The following SAV1 variants were observed in gnomAD, a reference collection of about 807,000 sequenced individuals.
The protein encoded by SAV1 is protein salvador homolog 1.
SAV1 carries 23 observed loss-of-function variants against 47.3 expected under a neutral mutation model. The observed-to-expected ratio is 0.49, with a 90% confidence interval of 0.35 to 0.69. The LOEUF is 0.69. SAV1 is among the 30% of genes least tolerant of loss of function. The pLI is 0.01. For synonymous variants in SAV1, 155 were observed against 159.2 expected, an observed-to-expected ratio of 0.97 and a Z score of 0.20; for missense variants, 448 against 457.4, an observed-to-expected ratio of 0.98 and a Z score of 0.19.
intron 3 of SAV1, among the ~76,000 whole-genome samples, chr14:50,642,858 T>C (rs1409776717): frequency 1.3e-5 from 2 of 152,208 alleles, no homozygotes; most frequent in Non-Finnish European, 2.9e-5. Context: ...ATAGTACAAC[T>C]GGGGGTGAAG....
At position 50,667,853 on chromosome 14, in the gene SAV1, C is replaced by T. The variant is rs199937066; in HGVS notation, c.94+21G>A. On this transcript the variant is annotated intron_variant, in intron 1 of 4. Transcript: ENST00000324679. ...CCTGGCCGCCTGGGCCAGGTGTGGG[C>T]ACGCCCCGCCTGACACTCACTCCGA... is the stretch of plus-strand genomic sequence containing the variant. The T allele has an allele frequency of 3.5e-5, 57 of 1,606,548 alleles. No individual in the cohort carries two copies. In the African/African-American group the frequency reaches 6.7e-4, roughly 19 times the overall value.
chr14:50,665,356 C>A lies in SAV1; in HGVS notation c.358G>T (p.Val120Phe). 1 of 1,612,962 alleles carries A rather than the reference C, an allele frequency of 6.2e-7. No individual in the cohort carries two copies. The highest frequency in any genetic ancestry group is 8.5e-7 in the Non-Finnish European group (1 of 1,179,348). The change falls in exon 2 of 5, where the codon GTT becomes TTT. Residue 120 changes from valine to phenylalanine, a missense_variant. Physicochemically the swap from Val to Phe is conservative, Grantham distance 50 (BLOSUM62 -1). Coordinates refer to ENST00000324679, the MANE Select transcript of SAV1 (RefSeq NM_021818.4). ...YGSSQSFVTE[V>F]SFAVENGDSG... ...TCTCCATTTTCAACAGCAAAACTAACTTCCGTTACAAATGACTGAGAAGAA... is the reference window on the plus strand; with the variant it reads ...TCTCCATTTTCAACAGCAAAACTAAATTCCGTTACAAATGACTGAGAAGAA...
chr14:50,654,891 C>A (rs2039799578), intron 2 of SAV1, among the ~76,000 whole-genome samples: 1 of 152,144 alleles, frequency 6.6e-6, no homozygotes, highest in Admixed American at 6.5e-5. Flanking sequence ...AGAAAGTACA[C>A]AACATTATCT....
At chr14:50,650,722 C>G (rs1226765509) in intron 2 of SAV1, among the ~76,000 whole-genome samples, 1 of 152,162 alleles carries the variant, frequency 6.6e-6, no homozygotes, top group Non-Finnish European at 1.5e-5. Flanking sequence ...TGTGAGTGAA[C>G]TTAGAAGCGG....
chr14:50,647,892 ATAAAGT>A (rs1401795927), intron 2 of SAV1, among the ~76,000 whole-genome samples: 2 of 152,384 alleles, frequency 1.3e-5, no homozygotes, highest in East Asian at 3.8e-4. Context: ...GCAATTTCTT[ATAAAGT>A]TAAACATATG....
At chr14:50,635,955 C>T (rs1419597909) in intron 4 of SAV1, among the ~76,000 whole-genome samples, 2 of 152,176 alleles carry the variant, frequency 1.3e-5, no homozygotes, top group African/African-American at 2.4e-5. Context: ...TATTCGCCCA[C>T]CTCAGCCTCC....
In SAV1 at chr14:50,642,246, A is replaced by G. The variant is rs192430785; in HGVS notation, c.807-1353T>C. Among the ~76,000 whole-genome samples the G allele has an allele frequency of 2.6e-4, 40 of 152,214 alleles. 1 individual carries two copies. Among genetic ancestry groups the G allele is most frequent in the Admixed American group, 2.3e-3 (35 of 15,292 alleles). ...GCATGAGGATTGAAAACTACCTATC[A>G]GGGACCGGGCGTGATGGCTCACACC... is the stretch of plus-strand genomic sequence containing the variant. On this transcript the variant is annotated intron_variant, in intron 3 of 4. Transcript: ENST00000324679.
At chr14:50,650,453 G>A (rs2039758603) in intron 2 of SAV1, among the ~76,000 whole-genome samples, 1 of 152,238 alleles carries the variant, frequency 6.6e-6, no homozygotes, top group Non-Finnish European at 1.5e-5. Context: ...TAGCCAGCCA[G>A]TAAGGTGAAC....
intron 4 of SAV1, among the ~76,000 whole-genome samples, chr14:50,636,557 CTT>C (rs902363639): frequency 3.2e-4 from 48 of 152,176 alleles, no homozygotes; most frequent in African/African-American, 1.1e-3. Context: ...CATTAGTAGT[CTT>C]TCAGTGGTAA....
intron 2 of SAV1, chr14:50,664,444 T>A (rs1037302152): frequency 2.0e-5 from 3 of 152,174 alleles, no homozygotes; most frequent in African/African-American, 7.2e-5. Context: ...TTAATTTTCA[T>A]CTCACTTCAT....
intron 2 of SAV1, among the ~76,000 whole-genome samples, chr14:50,661,625 G>T (rs1398993501): frequency 6.6e-6 from 1 of 152,150 alleles, no homozygotes; most frequent in East Asian, 1.9e-4. Flanking sequence ...GGTGAGACAA[G>T]GGTCAGATTT....
rs1005293666 is a variant in SAV1, at chr14:50,634,938, G to T, written c.*245C>A. 108 of 386,956 alleles carry T rather than the reference G, an allele frequency of 2.8e-4. 1 individual carries two copies. Among genetic ancestry groups the T allele is most frequent in the Non-Finnish European group, 4.3e-4 (94 of 217,014 alleles). The allele number at this position is 386,956 out of a possible 1,614,324, so 24.0% of individuals were successfully genotyped here. On this transcript the variant is annotated 3_prime_UTR_variant, in exon 5 of 5. Transcript: ENST00000324679. ...TTTCCGCTGCGTTTTTTTCCATCAA[G>T]AATACCAAAACAGTTTCCTAATATA...
chr14:50,646,832 C>T lies in SAV1; in HGVS notation c.536-1818G>A, dbSNP rs989003835. On this transcript the variant is annotated intron_variant, in intron 2 of 4. Coordinates refer to ENST00000324679, the MANE Select transcript of SAV1 (RefSeq NM_021818.4). ...AAAAGGGATAAAGTTGAAGGACTCA[C>T]ACTACCTGATTTTTAAGGCTTACTA... is the stretch of plus-strand genomic sequence containing the variant. Among the ~76,000 whole-genome samples, 4 of 152,168 alleles carry T rather than the reference C, an allele frequency of 2.6e-5. No homozygotes were observed. In the East Asian group the frequency reaches 7.7e-4, roughly 29 times the overall value.
chr14:50,653,026 T>TA (rs202195333), intron 2 of SAV1, among the ~76,000 whole-genome samples: 30 of 145,630 alleles, frequency 2.1e-4, no homozygotes, highest in East Asian at 1.8e-3. Flanking sequence ...GGGAGACGTC[T>TA]AAAAAAAAAG....
chr14:50,650,304 G>A (rs574917746), intron 2 of SAV1, among the ~76,000 whole-genome samples: 2 of 152,226 alleles, frequency 1.3e-5, no homozygotes, highest in African/African-American at 4.8e-5. Context: ...ACTATTACAC[G>A]CACAGAACAG....
chr14:50,647,184 AAG>A (rs35574070), intron 2 of SAV1, among the ~76,000 whole-genome samples: 1,804 of 152,210 alleles, frequency 0.012, 35 homozygotes, highest in African/African-American at 0.042. Context: ...AGTTTAGACA[AAG>A]AGTACTTTTT....
chr14:50,643,013 C>T (rs186342355), intron 3 of SAV1, among the ~76,000 whole-genome samples: 7 of 152,300 alleles, frequency 4.6e-5, no homozygotes, highest in Non-Finnish European at 7.4e-5. Flanking sequence ...ATTCATACCA[C>T]AGGTGGTTGT....
Position 50,635,118 on chromosome 14 carries a change from T to A in SAV1, c.*65A>T. Reference sequence around the variant, plus strand: ...GCATTTATTAACCAGAGTACTTGTTTGCAATTTTTTATCTGTGAAAATATT... The same window carrying A: ...GCATTTATTAACCAGAGTACTTGTTAGCAATTTTTTATCTGTGAAAATATT... On this transcript the variant is annotated 3_prime_UTR_variant, in exon 5 of 5. Transcript: ENST00000324679. The A allele has an allele frequency of 8.3e-7, 1 of 1,211,274 alleles. No individual in the cohort carries two copies. Among genetic ancestry groups the A allele is most frequent in the Non-Finnish European group, 1.2e-6 (1 of 829,428 alleles). The allele number at this position is 1,211,274 out of a possible 1,614,324, so 75.0% of individuals were successfully genotyped here. A position where few individuals can be genotyped will look rare whatever the true frequency, so the allele number is the denominator to read the frequency against.
At chr14:50,638,396 T>G (rs2039654100) in intron 4 of SAV1, among the ~76,000 whole-genome samples, 1 of 152,194 alleles carries the variant, frequency 6.6e-6, no homozygotes, top group Admixed American at 6.5e-5. Flanking sequence ...CCTAGGGCAG[T>G]ATTCTATTCA....
Sources: gnomAD v4.1 joint callset for allele counts (sites outside exome capture counted in the v4.1 genomes callset) on GRCh38, gnomAD v4.1.1 for gene constraint, MANE v1.5 for transcripts, NCBI Gene and HGNC (gene_info 2026-07-23, HGNC 2026-07-21) for gene names.